CPVL: variants seen among roughly 807,000 people sequenced by gnomAD.
The protein encoded by CPVL is probable serine carboxypeptidase CPVL.
A neutral mutation model predicts 63.7 loss-of-function variants in CPVL; 51 were observed. The observed-to-expected ratio is 0.80, with a 90% CI of 0.64 to 1.01. The LOEUF (loss-of-function observed/expected upper bound fraction) is 1.01. Among genes scored for constraint, CPVL ranks in the 50% least tolerant of loss-of-function variants. CPVL has a pLI of 0.00. For missense variants in CPVL, 530 were observed against 573.1 expected (o/e 0.92, Z 0.77); for synonymous variants, 195 against 206.0 (o/e 0.95, Z 0.46).
chr7:29,066,141 G>T lies in CPVL; in HGVS notation c.865-20C>A. 1 of 1,053,598 alleles carries T rather than the reference G, an allele frequency of 9.5e-7. No individual in the cohort carries two copies. Among genetic ancestry groups the T allele is most frequent in the Non-Finnish European group, 1.4e-6 (1 of 704,394 alleles). 65.3% of individuals were successfully genotyped at this position (1,053,598 alleles called of 1,614,324 possible). ...CAGTATCTAGGTTGGGAGAGAGGGA[G>T]AAAGAAAGAAAGAAAGAAAACATCA... On this transcript the variant is annotated intron_variant, in intron 9 of 12. Coordinates refer to ENST00000265394, the MANE Select transcript of CPVL (RefSeq NM_031311.5).
intron 11 of CPVL, among the ~76,000 whole-genome samples, chr7:29,045,863 A>G (rs1460810230): frequency 6.6e-6 from 1 of 152,144 alleles, no homozygotes; most frequent in Non-Finnish European, 1.5e-5. Flanking sequence ...CACATTTATT[A>G]CTCAGGAACT....
chr7:29,117,259 C>T (rs1476922757), intron 2 of CPVL, among the ~76,000 whole-genome samples: 2 of 152,204 alleles, frequency 1.3e-5, no homozygotes, highest in African/African-American at 4.8e-5. Flanking sequence ...TGGAATCTTT[C>T]TTGGCTGCTG....
intron 3 of CPVL, among the ~76,000 whole-genome samples, chr7:29,102,181 C>T (rs1206323208): frequency 6.6e-6 from 1 of 152,094 alleles, no homozygotes; most frequent in Non-Finnish European, 1.5e-5. Flanking sequence ...TTACTTAACT[C>T]CTCTGTGTTT....
chr7:29,025,137 A>C (rs1328623695), intron 12 of CPVL, among the ~76,000 whole-genome samples: 1 of 152,234 alleles, frequency 6.6e-6, no homozygotes, highest in Non-Finnish European at 1.5e-5. Flanking sequence ...CTGAACGGAT[A>C]AAAATAAAAT....
chr7:29,155,502 G>T (rs962679746), intron 5 of CPVL, among the ~76,000 whole-genome samples: 1 of 152,202 alleles, frequency 6.6e-6, no homozygotes, highest in Non-Finnish European at 1.5e-5. Context: ...TGTAACAGAA[G>T]AATAGAGATG....
At chr7:29,143,572 G>C (rs1184721580) in intron 1 of CPVL, among the ~76,000 whole-genome samples, 1 of 152,152 alleles carries the variant, frequency 6.6e-6, no homozygotes, top group Non-Finnish European at 1.5e-5. Context: ...CTATCTTTTT[G>C]AAAGAGGGGT....
intron 11 of CPVL, among the ~76,000 whole-genome samples, chr7:29,051,924 T>TAC (rs1790204914): frequency 1.0e-5 from 1 of 99,226 alleles, no homozygotes; most frequent in African/African-American, 2.9e-5. Context: ...ATTCCACATA[T>TAC]ATATATTCCA....
intron 12 of CPVL, among the ~76,000 whole-genome samples, chr7:28,999,586 C>T (rs1055388165): frequency 6.6e-6 from 1 of 152,204 alleles, no homozygotes; most frequent in African/African-American, 2.4e-5. Flanking sequence ...CGCACTCACA[C>T]ACACCTTCCC....
chr7:29,176,042 CA>C (rs1797279934), intron 5 of CPVL, among the ~76,000 whole-genome samples: 1 of 152,088 alleles, frequency 6.6e-6, no homozygotes, highest in Admixed American at 6.5e-5. Flanking sequence ...AAAAATTAGC[CA>C]GGCGTGGTGG....
At chr7:29,033,951 T>C (rs190992574) in intron 11 of CPVL, among the ~76,000 whole-genome samples, 2 of 152,340 alleles carry the variant, frequency 1.3e-5, no homozygotes, top group African/African-American at 2.4e-5. Context: ...CTTCACTTGT[T>C]TGTACTCTAA....
At chr7:29,096,827 T>C (rs1786455500) in intron 3 of CPVL, among the ~76,000 whole-genome samples, 1 of 151,650 alleles carries the variant, frequency 6.6e-6, no homozygotes, top group Non-Finnish European at 1.5e-5. Context: ...CTACTAAAAA[T>C]ACAAAAAGTT....
intron 11 of CPVL, among the ~76,000 whole-genome samples, chr7:29,049,328 G>C (rs1029166506): frequency 2.0e-5 from 3 of 151,948 alleles, no homozygotes; most frequent in Non-Finnish European, 4.4e-5. Context: ...AACAAAACGG[G>C]AGACATTACA....
chr7:29,180,100 C>T (rs1797868413), intron 5 of CPVL, among the ~76,000 whole-genome samples: 1 of 152,176 alleles, frequency 6.6e-6, no homozygotes, highest in Non-Finnish European at 1.5e-5. Context: ...ACATGTGTTT[C>T]ATTCTTAATA....
intron 11 of CPVL, among the ~76,000 whole-genome samples, chr7:29,059,666 T>C (rs1228796904): frequency 6.6e-6 from 1 of 152,174 alleles, no homozygotes; most frequent in Non-Finnish European, 1.5e-5. Flanking sequence ...CACTCAACAG[T>C]CTGGGTATAC....
At chr7:29,001,454 CACTA>C (rs1226815778) in intron 12 of CPVL, 1 of 152,152 alleles carries the variant, frequency 6.6e-6, no homozygotes, top group African/African-American at 2.4e-5. Context: ...TGCTTTCAGA[CACTA>C]ACTATAAGTA....
chr7:29,194,228 AGCGCTGCGCGCAGCAGCC>A (rs1258982193), intron 1 of CPVL: 3 of 135,266 alleles, frequency 2.2e-5, no homozygotes, highest in Non-Finnish European at 4.7e-5. Context: ...TCCTAGGAGC[AGCGCTGCGCGCAGCAGCC>A]GCGCTCGCCC....
At chr7:29,106,812 A>G (rs1232101373) in intron 3 of CPVL, among the ~76,000 whole-genome samples, 2 of 152,214 alleles carry the variant, frequency 1.3e-5, no homozygotes, top group Non-Finnish European at 2.9e-5. Flanking sequence ...ACAAGAAGCT[A>G]TGTTAGTTAT....
At chr7:29,180,606 G>A (rs1444436371) in intron 5 of CPVL, among the ~76,000 whole-genome samples, 1 of 151,400 alleles carries the variant, frequency 6.6e-6, no homozygotes, top group Non-Finnish European at 1.5e-5. Context: ...ATCAAATTAA[G>A]GCAAATGATG....
At chr7:29,085,477 T>C (rs766262349) in intron 7 of CPVL, among the ~76,000 whole-genome samples, 14 of 152,240 alleles carry the variant, frequency 9.2e-5, no homozygotes, top group Non-Finnish European at 1.6e-4. Flanking sequence ...ATCTTCCCTA[T>C]GGAAGAATGC....
Sources: gnomAD v4.1 joint callset for allele counts (sites outside exome capture counted in the v4.1 genomes callset) on GRCh38, gnomAD v4.1.1 for gene constraint, MANE v1.5 for transcripts, NCBI Gene and HGNC (gene_info 2026-07-23, HGNC 2026-07-21) for gene names.